The following PRIM2 variants were observed in gnomAD, a reference collection of about 807,000 sequenced individuals.
The protein encoded by PRIM2 is DNA primase large subunit.
In PRIM2, 39 loss-of-function variants were observed where a neutral mutation model predicts 67.3. That is an observed-to-expected ratio of 0.58 (90% CI 0.45 to 0.76). The LOEUF (loss-of-function observed/expected upper bound fraction) is 0.76, where lower values mean the gene tolerates loss of function less well. Among genes scored for constraint, PRIM2 ranks in the 30% least tolerant of loss-of-function variants. PRIM2 has a pLI of 0.00. For synonymous variants in PRIM2, 143 were observed against 198.7 expected, an observed-to-expected ratio of 0.72 and a Z score of 2.36; for missense variants, 398 against 598.7, an observed-to-expected ratio of 0.66 and a Z score of 3.50.
chr6:57,360,140 T>A (rs1434368392), intron 5 of PRIM2, among the ~76,000 whole-genome samples: 1 of 152,220 alleles, frequency 6.6e-6, no homozygotes, highest in Non-Finnish European at 1.5e-5. Flanking sequence ...GACAGTCCTT[T>A]TTGCTTGCTA....
intron 5 of PRIM2, among the ~76,000 whole-genome samples, chr6:57,340,801 A>G (rs1334315376): frequency 2.0e-5 from 3 of 152,184 alleles, no homozygotes; most frequent in African/African-American, 4.8e-5. Context: ...GCACATGTAT[A>G]CATATGTAAC....
chr6:57,428,938 G>A (rs1119374), intron 7 of PRIM2, among the ~76,000 whole-genome samples: 101,978 of 151,914 alleles, frequency 0.67, 34,211 homozygotes, highest in South Asian at 0.73. Flanking sequence ...TACCACATGT[G>A]TTGATACTTG....
chr6:57,340,597 A>G (rs112823005), intron 5 of PRIM2, among the ~76,000 whole-genome samples: 2 of 152,188 alleles, frequency 1.3e-5, no homozygotes, highest in East Asian at 1.9e-4. Context: ...TCAGTAAACT[A>G]TCACAAGAAC....
chr6:57,341,321 T>A (rs1038485768), intron 5 of PRIM2, among the ~76,000 whole-genome samples: 5 of 152,204 alleles, frequency 3.3e-5, no homozygotes, highest in African/African-American at 1.2e-4. Flanking sequence ...CTTATGTTTT[T>A]GAAATATAAA....
chr6:57,355,007 G>T (rs1393212106), intron 5 of PRIM2, among the ~76,000 whole-genome samples: 1 of 152,256 alleles, frequency 6.6e-6, no homozygotes, highest in African/African-American at 2.4e-5. Flanking sequence ...GCATAGAAAT[G>T]GTCAGAACAT....
At chr6:57,339,593 C>G (rs1768396111) in intron 5 of PRIM2, among the ~76,000 whole-genome samples, 2 of 152,214 alleles carry the variant, frequency 1.3e-5, no homozygotes, top group African/African-American at 2.4e-5. Flanking sequence ...CTGAGAAAAA[C>G]AAGCAATGGG....
chr6:57,452,392 T>C (rs1327779141), intron 7 of PRIM2, among the ~76,000 whole-genome samples: 1 of 152,186 alleles, frequency 6.6e-6, no homozygotes, highest in African/African-American at 2.4e-5. Context: ...TAGTTTACAG[T>C]CCCACCAACA....
chr6:57,603,484 A>G (rs1450478154), intron 11 of PRIM2, among the ~76,000 whole-genome samples: 3 of 152,056 alleles, frequency 2.0e-5, no homozygotes, highest in East Asian at 1.9e-4. Flanking sequence ...TGAAGGTCAG[A>G]TAGTTGTAAG....
At chr6:57,480,837 A>G (rs1167899300) in intron 7 of PRIM2, among the ~76,000 whole-genome samples, 1 of 152,164 alleles carries the variant, frequency 6.6e-6, no homozygotes, top group Non-Finnish European at 1.5e-5. Flanking sequence ...CCATGTTGCC[A>G]GGACGGTCTC....
At chr6:57,491,386 AT>A (rs1773886796) in intron 7 of PRIM2, among the ~76,000 whole-genome samples, 2 of 152,292 alleles carry the variant, frequency 1.3e-5, no homozygotes, top group South Asian at 4.1e-4. Flanking sequence ...TAAGGGATAT[AT>A]TTTCTATATA....
At chr6:57,359,431 G>C (rs1260095080) in intron 5 of PRIM2, among the ~76,000 whole-genome samples, 2 of 152,204 alleles carry the variant, frequency 1.3e-5, no homozygotes, top group African/African-American at 4.8e-5. Flanking sequence ...AGATTAATCT[G>C]TTCACCAGCT....
At chr6:57,240,250 C>T in the PRIM2 span, among the ~76,000 whole-genome samples, 6 of 152,120 alleles carry the variant, frequency 3.9e-5, no homozygotes, top group East Asian at 3.9e-4. Flanking sequence ...TACAGGCATG[C>T]GCCAACCGCG....
chr6:57,224,208 G>A, the PRIM2 span, among the ~76,000 whole-genome samples: 1 of 152,162 alleles, frequency 6.6e-6, no homozygotes, highest in African/African-American at 2.4e-5. Flanking sequence ...GGCTGAGATG[G>A]GAGGATCACT....
chr6:57,605,690 T>G (rs1468904182), intron 11 of PRIM2, among the ~76,000 whole-genome samples: 2 of 152,178 alleles, frequency 1.3e-5, no homozygotes, highest in African/African-American at 2.4e-5. Flanking sequence ...TTTCTAGATT[T>G]TGTCCTAAAA....
At chr6:57,412,484 T>A (rs1442638678) in intron 7 of PRIM2, among the ~76,000 whole-genome samples, 1 of 152,042 alleles carries the variant, frequency 6.6e-6, no homozygotes, top group African/African-American at 2.4e-5. Context: ...GGTCAGAGGG[T>A]CGAAATGTCT....
chr6:57,614,182 T>C (rs1254908895), intron 12 of PRIM2, among the ~76,000 whole-genome samples: 4 of 152,176 alleles, frequency 2.6e-5, no homozygotes, highest in Admixed American at 6.5e-5. Flanking sequence ...TCAAACCTTA[T>C]TGTGAACTGT....
Position 57,549,805 on chromosome 6 carries a change from A to C in PRIM2, c.1020+12180A>C, listed in dbSNP as rs1261897383. On this transcript the variant is annotated intron_variant, in intron 10 of 13. Transcript: ENST00000615550. Reference sequence around the variant, plus strand: ...AAGTAATTTGAATGTAATGAAAAAAATAGTTTCTTATGGCTCACGCCTGTA... The same window carrying C: ...AAGTAATTTGAATGTAATGAAAAAACTAGTTTCTTATGGCTCACGCCTGTA... Among the ~76,000 whole-genome samples, 6 of 152,216 alleles carry C rather than the reference A, an allele frequency of 3.9e-5. No individual in the cohort carries two copies. In the South Asian group the frequency reaches 1.2e-3, roughly 32 times the overall value.
intron 3 of PRIM2, among the ~76,000 whole-genome samples, chr6:57,322,381 C>A (rs1309147644): frequency 6.6e-6 from 1 of 152,050 alleles, no homozygotes; most frequent in Non-Finnish European, 1.5e-5. Flanking sequence ...TGTCCCCACC[C>A]AAATCTCATC....
intron 10 of PRIM2, among the ~76,000 whole-genome samples, chr6:57,538,487 T>A (rs1393640922): frequency 6.6e-6 from 1 of 152,370 alleles, no homozygotes; most frequent in Non-Finnish European, 1.5e-5. Flanking sequence ...TTGCCCCTTC[T>A]ATGCCATGAC....
Sources: allele counts gnomAD v4.1 joint callset (sites outside exome capture counted in the v4.1 genomes callset), GRCh38; gene constraint gnomAD v4.1.1; transcripts MANE v1.5; gene names NCBI Gene and HGNC (gene_info 2026-07-23, HGNC 2026-07-21).